The following ROBO2 variants were observed in gnomAD, a reference collection of about 807,000 sequenced individuals.
The protein encoded by ROBO2 is roundabout homolog 2.
Under a neutral mutation model 160.8 loss-of-function variants are expected in ROBO2, and 53 were observed. That is an observed-to-expected ratio of 0.33 (90% confidence interval 0.26 to 0.41). The LOEUF is 0.41. Among genes scored for constraint, ROBO2 ranks in the 10% least tolerant of loss-of-function variants. The probability of loss-of-function intolerance (pLI) is 1.00; values close to 1 mark genes in which losing one functional copy is unlikely to be tolerated. For missense variants in ROBO2, 1,577 were observed against 1,722.4 expected (o/e 0.92, Z 1.49); for synonymous variants, 664 against 611.7 (o/e 1.09, Z -1.26).
intron 2 of ROBO2, among the ~76,000 whole-genome samples, chr3:76,786,030 C>T (rs1212259486): frequency 6.6e-6 from 1 of 151,196 alleles, no homozygotes. Context: ...ACCTCTTTAA[C>T]CTTGTGGATG....
rs1268529003 is a variant in ROBO2 at position 76,079,576 on chromosome 3, C to T, written c.109+141974C>T. 5.3e-5 allele frequency among the ~76,000 whole-genome samples: 8 copies of T among 151,348 alleles called. 1 individual carries two copies. The highest frequency in any genetic ancestry group is 4.2e-4 in the South Asian group (2 of 4,800). ...TCAGCTCACTGCAACCTCCGCCTCC[C>T]GGGTTCAAGCAATTCTCCCACCTCA... is the stretch of plus-strand genomic sequence containing the variant. On this transcript the variant is annotated intron_variant, in intron 2 of 26. Transcript: ENST00000487694.
chr3:76,806,960 A>G (rs1278568111), intron 2 of ROBO2, among the ~76,000 whole-genome samples: 3 of 152,032 alleles, frequency 2.0e-5, no homozygotes, highest in Admixed American at 2.0e-4. Flanking sequence ...ACAAGTTTTT[A>G]TGATGGATTA....
chr3:76,092,824 A>G (rs562216091), intron 2 of ROBO2, among the ~76,000 whole-genome samples: 1 of 152,330 alleles, frequency 6.6e-6, no homozygotes, highest in South Asian at 2.1e-4. Context: ...TAATCAGTAG[A>G]AAAATGCAAA....
At chr3:76,638,988 G>T (rs1475059838) in intron 2 of ROBO2, among the ~76,000 whole-genome samples, 2 of 152,034 alleles carry the variant, frequency 1.3e-5, no homozygotes, top group Non-Finnish European at 2.9e-5. Context: ...CAGTGTTTTT[G>T]CCTTTATTTT....
chr3:77,209,803 G>A (rs1440213591), intron 2 of ROBO2, among the ~76,000 whole-genome samples: 2 of 152,060 alleles, frequency 1.3e-5, no homozygotes, highest in Non-Finnish European at 2.9e-5. Context: ...AGAATTATTA[G>A]GATAACTTTT....
At chr3:77,012,704 G>T (rs1352640240) in intron 2 of ROBO2, among the ~76,000 whole-genome samples, 1 of 152,140 alleles carries the variant, frequency 6.6e-6, no homozygotes, top group Non-Finnish European at 1.5e-5. Flanking sequence ...TGTCAGAATT[G>T]CCCAATACAC....
At chr3:75,959,990 CAG>C (rs1209623935) in intron 2 of ROBO2, among the ~76,000 whole-genome samples, 9 of 151,834 alleles carry the variant, frequency 5.9e-5, no homozygotes, top group South Asian at 2.1e-4. Context: ...TATTGATAAA[CAG>C]AGTTTGCAGT....
At chr3:76,301,623 A>C (rs909513648) in intron 2 of ROBO2, among the ~76,000 whole-genome samples, 1 of 152,008 alleles carries the variant, frequency 6.6e-6, no homozygotes, top group Non-Finnish European at 1.5e-5. Context: ...TTATGAGGTG[A>C]AAGTTACTAA....
At chr3:76,457,265 T>C (rs1008700293) in intron 2 of ROBO2, among the ~76,000 whole-genome samples, 6 of 152,146 alleles carry the variant, frequency 3.9e-5, no homozygotes, top group Admixed American at 1.3e-4. Context: ...GGTACAGATA[T>C]TGGGTAAATA....
chr3:77,447,243 T>G (rs1231934298), intron 2 of ROBO2, among the ~76,000 whole-genome samples: 2 of 152,130 alleles, frequency 1.3e-5, no homozygotes, highest in Admixed American at 6.6e-5. Context: ...ATATCTGTTC[T>G]GTATACACAG....
At chr3:77,011,141 CCCTCCCTCCCTT>C (rs1182699211) in intron 2 of ROBO2, among the ~76,000 whole-genome samples, 6 of 127,138 alleles carry the variant, frequency 4.7e-5, no homozygotes, top group Non-Finnish European at 1.0e-4. Flanking sequence ...ATTTTTCTTT[CCCTCCCTCCCTT>C]CCTCCCTTCC....
chr3:76,105,045 A>T (rs1042812505), intron 2 of ROBO2, among the ~76,000 whole-genome samples: 1 of 152,140 alleles, frequency 6.6e-6, no homozygotes, highest in African/African-American at 2.4e-5. Flanking sequence ...GAAAAGCAAG[A>T]GACCTAGCCT....
At chr3:76,257,881 G>A (rs1486333196) in intron 2 of ROBO2, among the ~76,000 whole-genome samples, 1 of 152,166 alleles carries the variant, frequency 6.6e-6, no homozygotes, top group Non-Finnish European at 1.5e-5. Flanking sequence ...ATAGAACAAT[G>A]TGTTTGAAAG....
chr3:76,533,641 A>G (rs890711568), intron 2 of ROBO2, among the ~76,000 whole-genome samples: 11 of 152,190 alleles, frequency 7.2e-5, no homozygotes, highest in African/African-American at 2.4e-4. Context: ...CTGCTTATTC[A>G]CTTGGGTGCA....
Position 77,097,797 on chromosome 3 carries a change from A to T in ROBO2, c.62-217A>T, listed in dbSNP as rs80264450. 0.054 allele frequency among the ~76,000 whole-genome samples: 8,237 copies of T among 152,182 alleles called. 748 individuals carry two copies. The highest frequency in any genetic ancestry group is 0.19 in the African/African-American group (7,697 of 41,500). ...TTGTCATGATTCATGGAACACATTA[A>T]ACCTAACTCCTTTGAGTTAACATAT... On this transcript the variant is annotated intron_variant, in intron 1 of 25. Coordinates refer to ENST00000461745, the Ensembl canonical transcript of ROBO2.
intron 2 of ROBO2, among the ~76,000 whole-genome samples, chr3:77,399,800 C>T (rs547165493): frequency 1.0e-3 from 155 of 152,204 alleles, no homozygotes; most frequent in African/African-American, 3.4e-3. Context: ...AACATTTACA[C>T]CTATCTAAAG....
chr3:76,418,232 A>G (rs1559914421), intron 2 of ROBO2, among the ~76,000 whole-genome samples: 1 of 124,728 alleles, frequency 8.0e-6, no homozygotes, highest in African/African-American at 3.7e-5. Context: ...CCAAACAAAT[A>G]GAGAGAGAGA....
At chr3:76,425,028 G>C (rs1013798082) in intron 2 of ROBO2, among the ~76,000 whole-genome samples, 13 of 152,048 alleles carry the variant, frequency 8.5e-5, no homozygotes, top group African/African-American at 3.1e-4. Context: ...ACACAGCCTA[G>C]ATCCTGCATA....
intron 2 of ROBO2, among the ~76,000 whole-genome samples, chr3:77,445,792 T>TG (rs1480431779): frequency 1.9e-3 from 216 of 114,696 alleles, no homozygotes; most frequent in African/African-American, 5.9e-3. Flanking sequence ...AGGTTTTTTT[T>TG]TGTTTTTTTT....
Sources: allele counts gnomAD v4.1 joint callset (sites outside exome capture counted in the v4.1 genomes callset), GRCh38; gene constraint gnomAD v4.1.1; transcripts MANE v1.5; gene names NCBI Gene and HGNC (gene_info 2026-07-23, HGNC 2026-07-21).